Variants in WDR74 observed in about 807,000 individuals in gnomAD.
WDR74 encodes the protein WD repeat-containing protein 74.
WDR74 carries 31 observed loss-of-function variants against 45.6 expected under a neutral mutation model. The observed-to-expected ratio is 0.68, with a 90% confidence interval of 0.51 to 0.92. WDR74 has a LOEUF of 0.92. Among genes scored for constraint, WDR74 ranks in the 40% least tolerant of loss-of-function variants. The probability of loss-of-function intolerance (pLI) is 0.00; values close to 1 mark genes in which losing one functional copy is unlikely to be tolerated. For synonymous variants in WDR74, 191 were observed against 192.4 expected (o/e 0.99, Z 0.06); for missense variants, 455 against 497.2 (o/e 0.92, Z 0.81).
In WDR74 at chr11:62,836,131, A is replaced by G. The variant is rs1005373192; in HGVS notation, c.294-95T>C. The stretch of plus-strand genomic sequence containing the variant: ...TTACTACTACAGTTGACTAATGTTT[A>G]AAGAAAAAAAAAAGTATAAAAGTAT... On this transcript the variant is annotated intron_variant, in intron 3 of 10. Transcript: ENST00000278856. 15 of 1,253,776 alleles carry G rather than the reference A, an allele frequency of 1.2e-5. No homozygotes were observed. The African/African-American group carries it at 2.3e-4, about 19-fold the overall frequency. 77.7% of individuals were successfully genotyped at this position (1,253,776 alleles called of 1,614,324 possible).
chr11:62,839,708 T>A, upstream of WDR74: 2 of 1,112,952 alleles, frequency 1.8e-6, no homozygotes, highest in South Asian at 3.2e-5. Context: ...CTTGTTTTGC[T>A]TTACGAAAAT....
intron 6 of WDR74, chr11:62,835,050 G>A (rs1489068756): frequency 3.9e-5 from 9 of 233,110 alleles, no homozygotes; most frequent in Non-Finnish European, 6.8e-5. Context: ...GTAAAGCTGA[G>A]GAGCTGAGGC....
upstream of WDR74, among the ~76,000 whole-genome samples, chr11:62,841,302 G>A (rs1459253387): frequency 2.0e-5 from 3 of 152,048 alleles, no homozygotes; most frequent in Non-Finnish European, 2.9e-5. Flanking sequence ...GGGCGACAGA[G>A]CAAGACGACG....
rs756697957 is a variant in WDR74, at chr11:62,839,580, T to C, written c.-10A>G. On this transcript the variant is annotated 5_prime_UTR_variant, in exon 1 of 11. Coordinates refer to ENST00000278856, the MANE Select transcript of WDR74 (RefSeq NM_001369450.1). ...CAGCAGCAGCCGCCATGACAAAGCC[T>C]GGAGGCAGACAGTTCACACTTCCGG... 1.9e-5 allele frequency: 31 copies of C among 1,605,018 alleles called. No individual in the cohort carries two copies. The highest frequency in any genetic ancestry group is 3.4e-5 in the Admixed American group (2 of 58,744).
Position 62,839,315 on chromosome 11 carries a change from C to T in WDR74, c.171+7G>A. 6.2e-7 allele frequency: 1 copy of T among 1,610,486 alleles called. No individual in the cohort carries two copies. The highest frequency in any genetic ancestry group is 8.5e-7 in the Non-Finnish European group (1 of 1,179,424). ...CCCCAGCTCCGGCCCGACCAGGGGCCACTCACCTGGGTCTCGCCGCCGGTG... is the reference window on the plus strand; with the variant it reads ...CCCCAGCTCCGGCCCGACCAGGGGCTACTCACCTGGGTCTCGCCGCCGGTG... On this transcript the variant is annotated splice_region_variant and intron_variant, in intron 2 of 10. Coordinates refer to ENST00000278856, the MANE Select transcript of WDR74 (RefSeq NM_001369450.1).
At chr11:62,835,378 C>T (rs762870883) in intron 6 of WDR74, 53 bp downstream of exon 6, 39 of 1,562,020 alleles carry the variant, frequency 2.5e-5, no homozygotes, top group Non-Finnish European at 3.4e-5. Flanking sequence ...GGGGCCATTT[C>T]TCCAGGAGGC....
Position 62,833,113 on chromosome 11 carries a change from G to A in WDR74, c.997C>T (p.Gln333Ter). 1 of 1,612,976 alleles carries A rather than the reference G, an allele frequency of 6.2e-7. No homozygotes were observed. The highest frequency in any genetic ancestry group is 2.2e-5 in the East Asian group (1 of 44,844). Residue 333 changes from glutamine to a stop codon, truncating the protein, a stop_gained, in exon 11 of 11, where the codon CAA becomes TAA. Transcript: ENST00000278856. LOFTEE classifies it low-confidence loss of function (END_TRUNC). ...TCTAGGGGCACCTTGTTGGGTTCTT[G>A]AGGCTCTTGGGGCTCATCCTGGTGA... Reference protein sequence around the residue: ...DNWEDEPQEPQEPNKVPLEDT... With the variant: ...DNWEDEPQEP
chr11:62,835,912 C>T (rs779132114), intron 4 of WDR74, 49 bp downstream of exon 4: 27 of 1,583,498 alleles, frequency 1.7e-5, no homozygotes, highest in Non-Finnish European at 2.2e-5. Flanking sequence ...GATCATTAGG[C>T]ACCTACCCCA....
upstream of WDR74, among the ~76,000 whole-genome samples, chr11:62,841,037 G>C (rs1010540483): frequency 1.1e-4 from 16 of 152,240 alleles, no homozygotes; most frequent in Admixed American, 1.0e-3. Flanking sequence ...ATACAAAACA[G>C]GCCGGGCGCG....
chr11:62,840,949 C>G (rs1175701243), upstream of WDR74, among the ~76,000 whole-genome samples: 1 of 152,176 alleles, frequency 6.6e-6, no homozygotes, highest in Non-Finnish European at 1.5e-5. Context: ...CTTTGGGAGG[C>G]CGAGGCGGGC....
chr11:62,834,402 C>A (rs747269441), intron 7 of WDR74, 25 bp downstream of exon 7: 2 of 1,598,026 alleles, frequency 1.3e-6, no homozygotes, highest in East Asian at 2.3e-5. Context: ...CCCACCCTCC[C>A]ACCCCTTCCC....
In WDR74 at chr11:62,833,907, GC is replaced by G; in HGVS notation, c.805del (p.Ala269GlnfsTer16). Reference protein sequence around the residue: ...GRLLGCLKGLAGSVRGLQCHP... With the variant: ...GRLLGCLKGLXGSVRGLQCHP... ...GCACTGCAACCCACGCACACTGCCT[GC>G]CAGCCCCTTCAGACAGCCCAGTAGA... On this transcript the variant is annotated frameshift_variant, in exon 9 of 11. Coordinates refer to ENST00000278856, the MANE Select transcript of WDR74 (RefSeq NM_001369450.1). LOFTEE classifies it high-confidence loss of function. The G allele has an allele frequency of 6.2e-7, 1 of 1,613,942 alleles. No homozygotes were observed. The highest frequency in any genetic ancestry group is 8.5e-7 in the Non-Finnish European group (1 of 1,179,874).
intron 3 of WDR74, among the ~76,000 whole-genome samples, chr11:62,837,542 T>C (rs1449365780): frequency 6.6e-6 from 1 of 151,470 alleles, no homozygotes; most frequent in Non-Finnish European, 1.5e-5. Flanking sequence ...TTCCTTGTTA[T>C]CAACTTCCAA....
Position 62,833,103 on chromosome 11 carries a change from T to C in WDR74, c.1007A>G (p.Asn336Ser). 1.9e-6 allele frequency: 3 copies of C among 1,612,186 alleles called. No individual in the cohort carries two copies. The highest frequency in any genetic ancestry group is 8.5e-7 in the Non-Finnish European group (1 of 1,179,418). Reference sequence around the variant, plus strand: ...CTCTGTGTCTTCTAGGGGCACCTTGTTGGGTTCTTGAGGCTCTTGGGGCTC... The same window carrying C: ...CTCTGTGTCTTCTAGGGGCACCTTGCTGGGTTCTTGAGGCTCTTGGGGCTC... ...EDEPQEPQEPNKVPLEDTETD... is the reference protein window; with the variant it reads ...EDEPQEPQEPSKVPLEDTETD... The change falls in exon 11 of 11, where the codon AAC becomes AGC. Residue 336 changes from asparagine to serine, a missense_variant. By Grantham distance (46) the Asn-to-Ser change is conservative (BLOSUM62 1). Transcript: ENST00000278856.
chr11:62,839,577 G>C lies in WDR74; in HGVS notation c.-7C>G. ...GTGCAGCAGCAGCCGCCATGACAAA[G>C]CCTGGAGGCAGACAGTTCACACTTC... On this transcript the variant is annotated 5_prime_UTR_variant, in exon 1 of 11. Coordinates refer to ENST00000278856, the MANE Select transcript of WDR74 (RefSeq NM_001369450.1). The C allele has an allele frequency of 1.2e-6, 2 of 1,605,762 alleles. No homozygotes were observed. The highest frequency in any genetic ancestry group is 1.7e-6 in the Non-Finnish European group (2 of 1,175,504).
chr11:62,841,191 C>T (rs1354580388), upstream of WDR74, among the ~76,000 whole-genome samples: 12 of 152,250 alleles, frequency 7.9e-5, no homozygotes, highest in East Asian at 2.3e-3. Context: ...GTGGCGGGCG[C>T]CTGTAGTCCC....
intron 6 of WDR74, 33 bp downstream of exon 6, chr11:62,835,398 C>G (rs1208353674): frequency 6.2e-7 from 1 of 1,603,980 alleles, no homozygotes; most frequent in East Asian, 2.2e-5. Flanking sequence ...CTGCTTTATC[C>G]CAGGAGAAGG....
intron 3 of WDR74, among the ~76,000 whole-genome samples, chr11:62,837,909 C>T (rs1364297527): frequency 1.3e-5 from 2 of 152,146 alleles, no homozygotes; most frequent in Non-Finnish European, 2.9e-5. Flanking sequence ...TTGAGACTGG[C>T]CTGGGCACAC....
intron 3 of WDR74, chr11:62,836,533 T>C (rs2076990119): frequency 6.1e-6 from 1 of 163,766 alleles, no homozygotes; most frequent in South Asian, 1.5e-4. Context: ...TTGCTCTGAG[T>C]TTCAGGCACT....
Sources: gnomAD v4.1 joint callset for allele counts (sites outside exome capture counted in the v4.1 genomes callset) on GRCh38, gnomAD v4.1.1 for gene constraint, MANE v1.5 for transcripts, NCBI Gene and HGNC (gene_info 2026-07-23, HGNC 2026-07-21) for gene names.